The following MCF2 variants were observed in gnomAD, a reference collection of about 807,000 sequenced individuals.
The protein encoded by MCF2 is proto-oncogene DBL.
MCF2 carries 44 observed loss-of-function variants against 82.5 expected under a neutral mutation model. That is an observed-to-expected ratio of 0.53 (90% CI 0.42 to 0.69). MCF2 has a LOEUF of 0.69. Ranked by LOEUF, MCF2 falls within the 30% of genes least tolerant of loss-of-function variation. The pLI is 0.00. For synonymous variants in MCF2, 217 were observed against 224.9 expected, an observed-to-expected ratio of 0.96 and a Z score of 0.32; for missense variants, 623 against 663.1, an observed-to-expected ratio of 0.94 and a Z score of 0.66.
chrX:139,641,327 T>C (rs1258190280), intron 1 of MCF2, among the ~76,000 whole-genome samples: 1 of 110,193 alleles, frequency 9.1e-6, no homozygotes, highest in Non-Finnish European at 1.9e-5. Flanking sequence ...ATAAATCGTC[T>C]GTTAAAAGTC....
intron 9 of MCF2, among the ~76,000 whole-genome samples, chrX:139,615,914 C>T (rs766250187): frequency 4.5e-5 from 5 of 111,491 alleles, no homozygotes; most frequent in Admixed American, 9.6e-5. Context: ...TGCTGATGGT[C>T]ACTGCAGCAC....
chrX:139,646,524 C>T (rs777161110), upstream of MCF2, among the ~76,000 whole-genome samples: 1 of 111,471 alleles, frequency 9.0e-6, no homozygotes, highest in Non-Finnish European at 1.9e-5. Context: ...GTATGACCAT[C>T]GTTCTCAACC....
At chrX:139,672,784 G>T (rs1471293279) in intron 1 of MCF2, among the ~76,000 whole-genome samples, 2 of 111,513 alleles carry the variant, frequency 1.8e-5, no homozygotes, top group African/African-American at 6.5e-5. Context: ...CTCTTTTTTT[G>T]TTGTGTCTCT....
At position 139,635,901 on chromosome X, in the gene MCF2, G is replaced by A. The variant is rs142658326; in HGVS notation, c.52-3447C>T. ...ACCCTCCACCCTCAAGTAGACCCGT[G>A]TCTGTTGTTTCCTTCTTTGTGTTCA... On this transcript the variant is annotated intron_variant, in intron 1 of 24. Coordinates refer to ENST00000370576, the Ensembl canonical transcript of MCF2. Among the ~76,000 whole-genome samples the A allele has an allele frequency of 9.1e-3, 1,000 of 109,569 alleles. 14 individuals are homozygous for A. Among genetic ancestry groups the A allele is most frequent in the African/African-American group, 0.029 (884 of 30,015 alleles).
At chrX:139,609,388 G>A (rs1931321695) in intron 11 of MCF2, among the ~76,000 whole-genome samples, 1 of 111,013 alleles carries the variant, frequency 9.0e-6, no homozygotes, top group Admixed American at 9.5e-5. Flanking sequence ...ATCAAAAAAA[G>A]TGTTAAAAAT....
intron 20 of MCF2, among the ~76,000 whole-genome samples, chrX:139,588,978 A>G (rs1047352310): frequency 3.6e-5 from 4 of 111,213 alleles, no homozygotes; most frequent in African/African-American, 1.3e-4. Flanking sequence ...TGGTAAAATA[A>G]TGCTTGGATG....
intron 19 of MCF2, among the ~76,000 whole-genome samples, chrX:139,594,269 T>C (rs1200519531): frequency 2.7e-5 from 3 of 110,410 alleles, no homozygotes; most frequent in African/African-American, 9.9e-5. Context: ...CACCGCCAAG[T>C]CAATCCTAAG....
rs181727322 is a variant in MCF2 at position 139,678,803 on chromosome X, A to T, written c.-44-27015T>A. 4.7e-3 allele frequency among the ~76,000 whole-genome samples: 533 copies of T among 112,344 alleles called. 2 individuals carry two copies. Among genetic ancestry groups the T allele is most frequent in the African/African-American group, 0.016 (504 of 31,008 alleles). On this transcript the variant is annotated intron_variant, in intron 1 of 27. Transcript: ENST00000414978. ...CTTTTATACTCACCACTTAAGCAAC[A>T]TTTTTTAAAAAATCTAACAATAGCA...
chrX:139,623,714 T>C (rs1344812922), intron 6 of MCF2, among the ~76,000 whole-genome samples: 1 of 111,387 alleles, frequency 9.0e-6, no homozygotes, highest in Non-Finnish European at 1.9e-5. Context: ...AACGTGCATG[T>C]GTATGCCCTG....
upstream of MCF2, chrX:139,645,466 T>C (rs932024334): frequency 1.2e-5 from 5 of 432,943 alleles, no homozygotes; most frequent in Admixed American, 8.5e-5. Context: ...TCCATCAATT[T>C]TTATTGTCTC....
At chrX:139,691,782 A>C in intron 1 of MCF2, 2 of 496,835 alleles carry the variant, frequency 4.0e-6, no homozygotes, top group Non-Finnish European at 6.9e-6. Flanking sequence ...ATAGACTGGA[A>C]AATAAAGTGC....
intron 2 of MCF2, among the ~76,000 whole-genome samples, chrX:139,650,392 T>A (rs183054510): frequency 2.3e-4 from 26 of 111,510 alleles, no homozygotes; most frequent in Non-Finnish European, 3.6e-4. Context: ...AGAGGCCAGA[T>A]TGAAGTGTCT....
intron 1 of MCF2, among the ~76,000 whole-genome samples, chrX:139,670,122 C>A (rs182939590): frequency 1.9e-5 from 2 of 105,832 alleles, no homozygotes; most frequent in Admixed American, 2.0e-4. Flanking sequence ...TTCATTTGAA[C>A]GATGAATGTA....
chrX:139,598,271 T>C, intron 17 of MCF2, 135 bp downstream of exon 21: 1 of 429,162 alleles, frequency 2.3e-6, no homozygotes, highest in Non-Finnish European at 4.0e-6. Flanking sequence ...CACTGCAAAA[T>C]TCTGCCAAAT....
chrX:139,700,056 C>G, intron 1 of MCF2, among the ~76,000 whole-genome samples: 1 of 111,315 alleles, frequency 9.0e-6, no homozygotes. Context: ...TGTTTGTGTC[C>G]TTGGTCTTCT....
chrX:139,691,987 G>GGGCCAT, intron 1 of MCF2: 1 of 1,166,718 alleles, frequency 8.6e-7, no homozygotes, highest in Non-Finnish European at 1.1e-6. Flanking sequence ...ACGCGCTGCA[G>GGGCCAT]GGCCATGGCC....
intron 1 of MCF2, among the ~76,000 whole-genome samples, chrX:139,636,453 C>G (rs1264368097): frequency 8.9e-6 from 1 of 111,805 alleles, no homozygotes; most frequent in Non-Finnish European, 1.9e-5. Context: ...TCTGACTTCC[C>G]TTAATCTCAT....
rs536545531 is a variant in MCF2, at chrX:139,657,843, G to C, written c.-44-6055C>G. Among the ~76,000 whole-genome samples the C allele has an allele frequency of 3.8e-4, 42 of 111,691 alleles. No homozygotes were observed. In the South Asian group the frequency reaches 0.015, roughly 41 times the overall value. On this transcript the variant is annotated intron_variant, in intron 1 of 27. Coordinates refer to the MCF2 transcript ENST00000414978. ...AGAAAGCAAGAGAGAGAGCTAGAAA[G>C]ACTCCATATGAAGAAGCACTTTGTT...
intron 1 of MCF2, among the ~76,000 whole-genome samples, chrX:139,703,865 T>A (rs1389404763): frequency 8.9e-6 from 1 of 111,860 alleles, no homozygotes; most frequent in Non-Finnish European, 1.9e-5. Context: ...ATATTTGTAT[T>A]AAAAGGGCCT....
Sources: gnomAD v4.1 joint callset for allele counts (sites outside exome capture counted in the v4.1 genomes callset) on GRCh38, gnomAD v4.1.1 for gene constraint, MANE v1.5 for transcripts, NCBI Gene and HGNC (gene_info 2026-07-23, HGNC 2026-07-21) for gene names.